Variants in PTPRD observed in about 807,000 individuals in gnomAD.
The protein encoded by PTPRD is protein tyrosine phosphatase receptor type D, also known as receptor-type tyrosine-protein phosphatase delta.
In PTPRD, 34 loss-of-function variants were observed where a neutral mutation model predicts 214.5. The observed-to-expected ratio is 0.16, with a 90% CI of 0.12 to 0.21. PTPRD has a LOEUF of 0.21. Among genes scored for constraint, PTPRD ranks in the 10% least tolerant of loss-of-function variants. The probability of loss-of-function intolerance (pLI) is 1.00; values close to 1 mark genes in which losing one functional copy is unlikely to be tolerated. For synonymous variants in PTPRD, 1,128 were observed against 845.7 expected, an observed-to-expected ratio of 1.33 and a Z score of -5.79; for missense variants, 2,545 against 2,398.7, an observed-to-expected ratio of 1.06 and a Z score of -1.27.
chr9:9,084,483 C>T (rs1005641178), intron 10 of PTPRD, among the ~76,000 whole-genome samples: 1 of 152,088 alleles, frequency 6.6e-6, no homozygotes, highest in African/African-American at 2.4e-5. Context: ...AGCAAACCAC[C>T]AGGGCATGTG....
chr9:10,337,710 C>A (rs1024859719), intron 3 of PTPRD, among the ~76,000 whole-genome samples: 4 of 151,786 alleles, frequency 2.6e-5, no homozygotes, highest in African/African-American at 7.2e-5. Flanking sequence ...ACTTTACCTG[C>A]ATTAACTTAA....
At chr9:9,523,074 T>G (rs940347613) in intron 8 of PTPRD, among the ~76,000 whole-genome samples, 3 of 152,144 alleles carry the variant, frequency 2.0e-5, no homozygotes, top group Non-Finnish European at 4.4e-5. Flanking sequence ...GTTAAAAACA[T>G]ACAAATGCTT....
chr9:8,467,583 T>G (rs1387015647), intron 31 of PTPRD, among the ~76,000 whole-genome samples: 1 of 151,790 alleles, frequency 6.6e-6, no homozygotes, highest in East Asian at 1.9e-4. Flanking sequence ...TAAAATGAAA[T>G]TCCATGTTAG....
intron 8 of PTPRD, among the ~76,000 whole-genome samples, chr9:9,408,905 G>A (rs894247200): frequency 1.3e-5 from 2 of 151,366 alleles, no homozygotes; most frequent in Non-Finnish European, 3.0e-5. Context: ...CCCAATATTG[G>A]TATTAGTCTG....
intron 5 of PTPRD, among the ~76,000 whole-genome samples, chr9:9,901,031 C>G (rs902475332): frequency 6.6e-6 from 1 of 152,136 alleles, no homozygotes; most frequent in Non-Finnish European, 1.5e-5. Context: ...TCTGACAGTT[C>G]TGCAGGCTGT....
At chr9:8,748,968 T>C (rs1387444425) in intron 11 of PTPRD, among the ~76,000 whole-genome samples, 1 of 152,040 alleles carries the variant, frequency 6.6e-6, no homozygotes, top group Non-Finnish European at 1.5e-5. Context: ...ATACACTCCA[T>C]CACACAAATT....
chr9:8,458,123 C>T (rs920972126), intron 33 of PTPRD, among the ~76,000 whole-genome samples: 3 of 152,096 alleles, frequency 2.0e-5, no homozygotes, highest in Admixed American at 2.0e-4. Context: ...CATTTCCCAA[C>T]AATTGCATTA....
chr9:9,081,678 C>T (rs963939010), intron 10 of PTPRD, among the ~76,000 whole-genome samples: 2 of 151,964 alleles, frequency 1.3e-5, no homozygotes, highest in African/African-American at 2.4e-5. Context: ...TCTGGGTGCT[C>T]CTGTATTGGG....
At chr9:9,312,325 A>G (rs1460383671) in intron 9 of PTPRD, among the ~76,000 whole-genome samples, 1 of 152,234 alleles carries the variant, frequency 6.6e-6, no homozygotes, top group Non-Finnish European at 1.5e-5. Context: ...GCATAAGATT[A>G]AGAAAATTCT....
At chr9:9,661,898 A>G (rs2096629141) in intron 7 of PTPRD, among the ~76,000 whole-genome samples, 1 of 151,692 alleles carries the variant, frequency 6.6e-6, no homozygotes, top group African/African-American at 2.4e-5. Flanking sequence ...TTTTGAAGCA[A>G]GTGCTACTCT....
intron 11 of PTPRD, among the ~76,000 whole-genome samples, chr9:8,864,359 C>T (rs1586879068): frequency 6.6e-6 from 1 of 152,164 alleles, no homozygotes; most frequent in African/African-American, 2.4e-5. Context: ...GTTAATGACT[C>T]ACAATCCACT....
chr9:9,515,753 A>G (rs1335545874), intron 8 of PTPRD, among the ~76,000 whole-genome samples: 1 of 151,938 alleles, frequency 6.6e-6, no homozygotes, highest in African/African-American at 2.4e-5. Flanking sequence ...AGAAAACATG[A>G]AAAAAAGTTT....
At chr9:10,580,271 G>C (rs557201786) in intron 2 of PTPRD, among the ~76,000 whole-genome samples, 1 of 152,274 alleles carries the variant, frequency 6.6e-6, no homozygotes, top group South Asian at 2.1e-4. Context: ...CTTAGCTAGA[G>C]TGTGAAATAA....
At chr9:9,653,059 A>G (rs1219142306) in intron 7 of PTPRD, among the ~76,000 whole-genome samples, 2 of 151,954 alleles carry the variant, frequency 1.3e-5, no homozygotes, top group Non-Finnish European at 2.9e-5. Context: ...AAAGTGCCTC[A>G]TGGCCGGGCG....
At chr9:8,522,181 C>A (rs2097904437) in intron 19 of PTPRD, among the ~76,000 whole-genome samples, 1 of 152,280 alleles carries the variant, frequency 6.6e-6, no homozygotes, top group African/African-American at 2.4e-5. Flanking sequence ...AAGAAACAGG[C>A]TAACACCAGT....
intron 9 of PTPRD, among the ~76,000 whole-genome samples, chr9:9,301,849 T>G (rs909396709): frequency 1.3e-5 from 2 of 151,932 alleles, no homozygotes; most frequent in Non-Finnish European, 2.9e-5. Context: ...AATTCATACT[T>G]TTGTGAATAA....
At chr9:9,891,006 TGCAA>T in intron 5 of PTPRD, among the ~76,000 whole-genome samples, 1 of 152,210 alleles carries the variant, frequency 6.6e-6, no homozygotes, top group East Asian at 1.9e-4. Flanking sequence ...AAAATGGAAA[TGCAA>T]GTTGATTTTT....
In PTPRD at chr9:8,942,188, G is replaced by T. The variant is rs150085525; in HGVS notation, c.-104+76509C>A. 8.1e-4 allele frequency among the ~76,000 whole-genome samples: 124 copies of T among 152,282 alleles called. 1 individual carries two copies. In the East Asian group the frequency reaches 0.018, roughly 22 times the overall value. Reference sequence around the variant, plus strand: ...GAGTCTGGTCGATACTTTACCCATTGCCAGCAACTATTTTTTTCTTTTTTT... The same window carrying T: ...GAGTCTGGTCGATACTTTACCCATTTCCAGCAACTATTTTTTTCTTTTTTT... On this transcript the variant is annotated intron_variant, in intron 11 of 45. Coordinates refer to ENST00000381196, the MANE Select transcript of PTPRD (RefSeq NM_002839.4).
At chr9:10,241,717 G>T (rs994160754) in intron 3 of PTPRD, among the ~76,000 whole-genome samples, 7 of 151,802 alleles carry the variant, frequency 4.6e-5, no homozygotes, top group African/African-American at 1.7e-4. Context: ...TTATAAAGGG[G>T]CACCAAGAAA....
Sources: gnomAD v4.1 joint callset for allele counts (sites outside exome capture counted in the v4.1 genomes callset) on GRCh38, gnomAD v4.1.1 for gene constraint, MANE v1.5 for transcripts, NCBI Gene and HGNC (gene_info 2026-07-23, HGNC 2026-07-21) for gene names.